The following ACCS variants were observed in gnomAD, a reference collection of about 807,000 sequenced individuals.
ACCS encodes the protein 1-aminocyclopropane-1-carboxylate synthase-like protein 1.
Under a neutral mutation model 59.8 loss-of-function variants are expected in ACCS, and 42 were observed. The ratio of observed to expected loss-of-function variants is 0.70; its 90% CI spans 0.55 to 0.91. The LOEUF (loss-of-function observed/expected upper bound fraction) is 0.91. Ranked by LOEUF, ACCS falls within the 40% of genes least tolerant of loss-of-function variation. ACCS has a pLI of 0.00. For missense variants in ACCS, 602 were observed against 630.4 expected (o/e 0.95, Z 0.48); for synonymous variants, 230 against 240.3 (o/e 0.96, Z 0.40).
At chr11:44,069,576 A>G (rs1952953864) in intron 2 of ACCS, among the ~76,000 whole-genome samples, 1 of 152,196 alleles carries the variant, frequency 6.6e-6, no homozygotes, top group South Asian at 2.1e-4. Context: ...TGAAGGTGCC[A>G]TGAAGCTGGG....
intron 2 of ACCS, among the ~76,000 whole-genome samples, chr11:44,069,662 T>C (rs1433288450): frequency 1.3e-5 from 2 of 152,338 alleles, no homozygotes; most frequent in East Asian, 3.9e-4. Flanking sequence ...GACACTCTTA[T>C]GCTTATTGGC....
At chr11:44,080,260 A>G (rs1044841589) in intron 10 of ACCS, among the ~76,000 whole-genome samples, 1 of 152,186 alleles carries the variant, frequency 6.6e-6, no homozygotes, top group African/African-American at 2.4e-5. Context: ...TCATGTGGGT[A>G]GTCTGTGAAT....
intron 10 of ACCS, 55 bp from the exon 11 acceptor site, chr11:44,080,965 A>T: frequency 6.2e-7 from 1 of 1,606,246 alleles, no homozygotes; most frequent in Non-Finnish European, 8.5e-7. Flanking sequence ...AACCAAACAC[A>T]TGTGGGTTTC....
intron 9 of ACCS, 94 bp downstream of exon 9, chr11:44,078,878 C>G: frequency 9.9e-7 from 1 of 1,014,674 alleles, no homozygotes; most frequent in Non-Finnish European, 1.5e-6. Flanking sequence ...CTTGACCCCA[C>G]TGTGGGCTGC....
Position 44,071,241 on chromosome 11 carries a change from A to G in ACCS, c.289-15A>G. On this transcript the variant is annotated splice_polypyrimidine_tract_variant and intron_variant, in intron 2 of 14. Coordinates refer to ENST00000263776, the MANE Select transcript of ACCS (RefSeq NM_032592.4). ...CCTGCCATGCTAACTCTGCCTCTGT[A>G]CCTCTCATCTCCAGGGCATCATTAA... 2 of 1,613,852 alleles carry G rather than the reference A, an allele frequency of 1.2e-6. No individual in the cohort carries two copies. Among genetic ancestry groups the G allele is most frequent in the Non-Finnish European group, 1.7e-6 (2 of 1,179,922 alleles).
At chr11:44,067,522 G>A in intron 1 of ACCS, 106 bp from the exon 2 acceptor site, 1 of 1,202,394 alleles carries the variant, frequency 8.3e-7, no homozygotes, top group Non-Finnish European at 1.2e-6. Context: ...AAACCTAAAG[G>A]AAGGGGCAGA....
intron 12 of ACCS, chr11:44,082,093 C>G (rs942322893): frequency 1.3e-5 from 2 of 152,082 alleles, no homozygotes; most frequent in Non-Finnish European, 2.9e-5. Context: ...AGATACTACC[C>G]CACTCACTAT....
intron 7 of ACCS, 47 bp from the exon 8 acceptor site, chr11:44,077,798 C>A: frequency 1.9e-6 from 3 of 1,601,708 alleles, no homozygotes; most frequent in Non-Finnish European, 1.7e-6. Flanking sequence ...TTTTGGGGGG[C>A]AATGGTCACT....
chr11:44,075,748 C>G (rs941785443), intron 6 of ACCS, 156 bp downstream of exon 6: 2 of 816,228 alleles, frequency 2.5e-6, no homozygotes, highest in Admixed American at 2.8e-5. Context: ...ACAAAGCACC[C>G]GGGGGTCAGC....
Position 44,081,211 on chromosome 11 carries a change from G to T in ACCS, c.1002G>T (p.Thr334=), listed in dbSNP as rs747458019. The change falls in exon 12 of 15, where the codon ACG becomes ACT. Residue 334 remains threonine (T), a synonymous_variant. Coordinates refer to ENST00000263776, the MANE Select transcript of ACCS (RefSeq NM_032592.4). ...DFGMSGLRFG[T]LYTENQDVAT... is the part of the protein sequence containing the mutation. ...GGATGTCTGGGCTCCGCTTTGGCAC[G>T]CTGTACACAGAAAACCAGGATGTGG... The T allele has an allele frequency of 6.2e-7, 1 of 1,614,236 alleles. No individual in the cohort carries two copies. The highest frequency in any genetic ancestry group is 8.5e-7 in the Non-Finnish European group (1 of 1,180,052).
chr11:44,077,281 G>A lies in ACCS; in HGVS notation c.559G>A (p.Ala187Thr), dbSNP rs748674858. Residue 187 changes from alanine to threonine, a missense_variant and splice_region_variant, in exon 7 of 15, where the codon GCT becomes ACT. By Grantham distance (58) the Ala-to-Thr change is moderately conservative. Coordinates refer to ENST00000263776, the MANE Select transcript of ACCS (RefSeq NM_032592.4). ...CCCTCGCCCACTCCTGCCCCCAGAGGCTTTCCTGATCCCCACCCCTTACTA... is the reference window on the plus strand; with the variant it reads ...CCCTCGCCCACTCCTGCCCCCAGAGACTTTCCTGATCCCCACCCCTTACTA... ...LATVLCEAGE[A>T]FLIPTPYYGA... The A allele has an allele frequency of 6.2e-7, 1 of 1,613,942 alleles. No homozygotes were observed. Among genetic ancestry groups the A allele is most frequent in the Admixed American group, 1.7e-5 (1 of 60,006 alleles).
At chr11:44,077,633 C>T in intron 7 of ACCS, 1 of 1,436,714 alleles carries the variant, frequency 7.0e-7, no homozygotes, top group Non-Finnish European at 9.1e-7. Flanking sequence ...GCAGGGTAGA[C>T]CTAAGCATGA....
intron 6 of ACCS, among the ~76,000 whole-genome samples, chr11:44,076,411 A>G (rs954625632): frequency 6.6e-6 from 1 of 152,192 alleles, no homozygotes; most frequent in African/African-American, 2.4e-5. Flanking sequence ...GGTTATCTCT[A>G]TTTTACATAT....
At chr11:44,076,232 T>C (rs1270082741) in intron 6 of ACCS, among the ~76,000 whole-genome samples, 1 of 152,228 alleles carries the variant, frequency 6.6e-6, no homozygotes, top group African/African-American at 2.4e-5. Flanking sequence ...TCAGTTGTGG[T>C]CAGGGGTTAT....
intron 3 of ACCS, 37 bp downstream of exon 3, chr11:44,071,352 T>G (rs1479446015): frequency 6.2e-7 from 1 of 1,605,764 alleles, no homozygotes; most frequent in Admixed American, 1.7e-5. Context: ...CATCACCAGC[T>G]CCGAGGAGCT....
intron 6 of ACCS, chr11:44,075,951 A>G (rs748728607): frequency 4.9e-6 from 1 of 204,058 alleles, no homozygotes; most frequent in Non-Finnish European, 9.9e-6. Flanking sequence ...GCTGTTTCCC[A>G]GAAGAGGCCC....
In ACCS at chr11:44,083,785, G is replaced by A. The variant is rs752892123; in HGVS notation, c.1499G>A (p.Arg500His). The change falls in exon 15 of 15, where the codon CGC becomes CAC. Residue 500 changes from arginine (R) to histidine (H), a missense_variant. Physicochemically the swap from Arg to His is conservative, Grantham distance 29. Transcript: ENST00000263776. Reference sequence around the variant, plus strand: ...CAGAGCCAGGAGCCAAGTGACCAACGCAGGTGAGCTGGTCATTGTCTCGTG... The same window carrying A: ...CAGAGCCAGGAGCCAAGTGACCAACACAGGTGAGCTGGTCATTGTCTCGTG... ...PSQSQEPSDQ[R>H]R is the part of the protein sequence containing the mutation. The A allele has an allele frequency of 1.3e-5, 21 of 1,610,220 alleles. No individual in the cohort carries two copies. Among genetic ancestry groups the A allele is most frequent in the South Asian group, 2.2e-5 (2 of 90,168 alleles).
In ACCS at chr11:44,077,799, A is replaced by G. The variant is rs756413120; in HGVS notation, c.655-46A>G. On this transcript the variant is annotated intron_variant, in intron 7 of 14. Transcript: ENST00000263776. ...AGAGTTCATATGTATTTTGGGGGGC[A>G]ATGGTCACTGAATGTGGCTGGTGGC... The G allele has an allele frequency of 6.9e-6, 11 of 1,603,436 alleles. No individual in the cohort carries two copies. The East Asian group carries it at 2.5e-4, about 36-fold the overall frequency.
chr11:44,081,187 G>A lies in ACCS; in HGVS notation c.978G>A (p.Gly326=). The A allele has an allele frequency of 1.2e-6, 2 of 1,614,242 alleles. No individual in the cohort carries two copies. The highest frequency in any genetic ancestry group is 8.5e-7 in the Non-Finnish European group (1 of 1,180,044). ...GGTGCTTCTTCCTGCAGGACTTCGG[G>A]ATGTCTGGGCTCCGCTTTGGCACGC... is the stretch of plus-strand genomic sequence containing the variant. ...HVMWATSKDF[G]MSGLRFGTLY... Residue 326 remains glycine (G), a synonymous_variant, in exon 12 of 15, where the codon GGG becomes GGA. Transcript: ENST00000263776.
Sources: gnomAD v4.1 joint callset for allele counts (sites outside exome capture counted in the v4.1 genomes callset) on GRCh38, gnomAD v4.1.1 for gene constraint, MANE v1.5 for transcripts, NCBI Gene and HGNC (gene_info 2026-07-23, HGNC 2026-07-21) for gene names.